Variants in PLCL2 observed in about 807,000 individuals in gnomAD.
The protein encoded by PLCL2 is inactive phospholipase C-like protein 2.
PLCL2 carries 4 observed loss-of-function variants against 79.6 expected under a neutral mutation model. The ratio of observed to expected loss-of-function variants is 0.05; its 90% confidence interval spans 0.02 to 0.11. The LOEUF (loss-of-function observed/expected upper bound fraction) is 0.11, where lower values mean the gene tolerates loss of function less well. PLCL2 is among the 10% of genes least tolerant of loss of function. The pLI is 1.00. For synonymous variants in PLCL2, 484 were observed against 457.7 expected (o/e 1.06, Z -0.73); for missense variants, 895 against 1,291.0 (o/e 0.69, Z 4.70).
At chr3:17,065,071 C>T (rs1327840101) in intron 4 of PLCL2, among the ~76,000 whole-genome samples, 1 of 151,852 alleles carries the variant, frequency 6.6e-6, no homozygotes, top group Non-Finnish European at 1.5e-5. Flanking sequence ...TTAGTATTTC[C>T]AGTGTTCAAT....
chr3:16,957,518 G>A (rs1457852810), intron 1 of PLCL2, among the ~76,000 whole-genome samples: 1 of 152,132 alleles, frequency 6.6e-6, no homozygotes, highest in South Asian at 2.1e-4. Flanking sequence ...GATTTGGGGT[G>A]GACAGTTCTG....
intron 1 of PLCL2, among the ~76,000 whole-genome samples, chr3:16,949,235 A>G (rs1446348254): frequency 1.3e-5 from 2 of 152,114 alleles, no homozygotes; most frequent in African/African-American, 4.8e-5. Context: ...AGGTGTGTCC[A>G]TTTCTACTTC....
At position 17,010,114 on chromosome 3, in the gene PLCL2, A is replaced by G. The variant is rs542360465; in HGVS notation, c.768A>G (p.Thr256=). Reference sequence around the variant, plus strand: ...ACCTAATTTCTTATGGAAAACATACACTTGATATGTTAGAAAGTAGCCAAG... The same window carrying G: ...ACCTAATTTCTTATGGAAAACATACGCTTGATATGTTAGAAAGTAGCCAAG... ...LRYLISYGKH[T]LDMLESSQDN... is the part of the protein sequence containing the mutation. The change falls in exon 2 of 6, where the codon ACA becomes ACG. Residue 256 remains threonine (T), a synonymous_variant. Transcript: ENST00000615277. This position sits in a 1 kb window ranked among gnomAD's most constrained non-coding sequence, Gnocchi z 5.8. 81 of 1,614,086 alleles carry G rather than the reference A, an allele frequency of 5.0e-5. No individual in the cohort carries two copies. The South Asian group carries it at 7.7e-4, about 15-fold the overall frequency.
intron 4 of PLCL2, among the ~76,000 whole-genome samples, chr3:17,067,142 C>G (rs2065018292): frequency 6.6e-6 from 1 of 152,022 alleles, no homozygotes; most frequent in Non-Finnish European, 1.5e-5. Context: ...ATTATTCCAG[C>G]TGACCCTAGA....
Position 16,884,996 on chromosome 3 carries a change from G to T in PLCL2, c.-44G>T. 4.4e-6 allele frequency: 1 copy of T among 226,986 alleles called. No individual in the cohort carries two copies. The highest frequency in any genetic ancestry group is 8.5e-6 in the Non-Finnish European group (1 of 118,254). The allele number at this position is 226,986 out of a possible 1,614,324, so 14.1% of individuals were successfully genotyped here. A position where few individuals can be genotyped will look rare whatever the true frequency, so the allele number is the denominator to read the frequency against. On this transcript the variant is annotated 5_prime_UTR_variant, in exon 1 of 6. Transcript: ENST00000615277. This position sits in a 1 kb window ranked among gnomAD's most constrained non-coding sequence, Gnocchi z 9.3. ...GCCCGAGGCGGCGGCGGGGACGCGG[G>T]GACGCGAGGACGCGGCTTTGTGCAG...
chr3:16,966,544 G>A (rs2063808574), intron 1 of PLCL2, among the ~76,000 whole-genome samples: 1 of 152,128 alleles, frequency 6.6e-6, no homozygotes, highest in South Asian at 2.1e-4. Context: ...AAATGAGTTA[G>A]GGAGGATACC....
intron 1 of PLCL2, among the ~76,000 whole-genome samples, chr3:16,904,306 CAA>C (rs547582289): frequency 8.6e-6 from 1 of 116,122 alleles, no homozygotes. Context: ...GAGATCTTGA[CAA>C]AAAAAAAAAG....
chr3:16,959,167 T>C (rs1283637091), intron 1 of PLCL2, among the ~76,000 whole-genome samples: 12 of 152,228 alleles, frequency 7.9e-5, no homozygotes, highest in Admixed American at 7.9e-4. Context: ...TTGTTCCCTC[T>C]GAATTCTGCC....
chr3:17,014,837 G>A lies in PLCL2; in HGVS notation c.2944G>A (p.Glu982Lys), dbSNP rs866276568. The change falls in exon 3 of 6, where the codon GAG becomes AAG. Residue 982 changes from glutamate to lysine, a missense_variant. Transcript: ENST00000615277. ...NTPLVVLNLS[E>K]QYPTMELQGI... ...ACCCCTAGTGGTCCTAAATCTCAGC[G>A]AGCAGTACCCCACAATGGAGCTGCA... 107 of 1,613,988 alleles carry A rather than the reference G, an allele frequency of 6.6e-5. 1 individual carries two copies. Among genetic ancestry groups the A allele is most frequent in the Non-Finnish European group, 8.5e-5 (100 of 1,180,010 alleles).
At chr3:17,087,366 G>A (rs2065231480) in intron 5 of PLCL2, among the ~76,000 whole-genome samples, 1 of 152,218 alleles carries the variant, frequency 6.6e-6, no homozygotes, top group Non-Finnish European at 1.5e-5. Flanking sequence ...CGACATGGAG[G>A]AAATTTAAAT....
intron 1 of PLCL2, among the ~76,000 whole-genome samples, chr3:16,920,081 A>G (rs1697088511): frequency 6.6e-6 from 1 of 152,164 alleles, no homozygotes; most frequent in South Asian, 2.1e-4. Context: ...GTGTGTTTTT[A>G]CACAAATTGA....
rs543874301 is a variant in PLCL2, at chr3:17,073,059, G to C, written c.3204+4994G>C. Among the ~76,000 whole-genome samples, 8 of 152,278 alleles carry C rather than the reference G, an allele frequency of 5.3e-5. No individual in the cohort carries two copies. The East Asian group carries it at 1.5e-3, about 29-fold the overall frequency. On this transcript the variant is annotated intron_variant, in intron 5 of 5. Coordinates refer to ENST00000615277, the MANE Select transcript of PLCL2 (RefSeq NM_001144382.2). ...CTTCTTTGATTTAGAAGCCAACTTT[G>C]AAACCTCCCTCCATTAGATAGTCAG...
At chr3:16,970,288 A>G (rs2063847746) in intron 1 of PLCL2, among the ~76,000 whole-genome samples, 3 of 147,100 alleles carry the variant, frequency 2.0e-5, no homozygotes, top group Admixed American at 6.9e-5. Flanking sequence ...TTCAATTCCC[A>G]CCAATAAGTG....
At chr3:16,914,294 G>A (rs1286336642) in intron 1 of PLCL2, among the ~76,000 whole-genome samples, 6 of 152,176 alleles carry the variant, frequency 3.9e-5, no homozygotes, top group African/African-American at 1.4e-4. Context: ...ATAGAACAGT[G>A]AGTGGAGGAA....
At chr3:17,030,001 T>C (rs2064563624) in intron 3 of PLCL2, among the ~76,000 whole-genome samples, 1 of 152,156 alleles carries the variant, frequency 6.6e-6, no homozygotes, top group African/African-American at 2.4e-5. Context: ...TGAACACCTA[T>C]GCACAAGACT....
intron 1 of PLCL2, among the ~76,000 whole-genome samples, chr3:16,921,270 G>C (rs1317993913): frequency 6.6e-6 from 1 of 152,166 alleles, no homozygotes; most frequent in East Asian, 1.9e-4. Flanking sequence ...CAAATAATTA[G>C]TGTCAAGTAG....
intron 1 of PLCL2, among the ~76,000 whole-genome samples, chr3:16,891,510 C>A (rs1696349353): frequency 6.6e-6 from 1 of 151,898 alleles, no homozygotes; most frequent in Non-Finnish European, 1.5e-5. Flanking sequence ...TAAATGCTTT[C>A]AATAATTGTT....
At chr3:16,926,798 A>G (rs2124939463) in intron 1 of PLCL2, among the ~76,000 whole-genome samples, 1 of 151,938 alleles carries the variant, frequency 6.6e-6, no homozygotes, top group East Asian at 1.9e-4. Flanking sequence ...TGGTTGGCTA[A>G]TTTTTTGTAT....
rs565409412 is a variant in PLCL2 at position 17,080,323 on chromosome 3, C to G, written c.3205-9410C>G. 3.9e-5 allele frequency among the ~76,000 whole-genome samples: 6 copies of G among 152,202 alleles called. No individual in the cohort carries two copies. The East Asian group carries it at 1.2e-3, about 29-fold the overall frequency. On this transcript the variant is annotated intron_variant, in intron 5 of 5. Coordinates refer to ENST00000615277, the MANE Select transcript of PLCL2 (RefSeq NM_001144382.2). ...AAGTGGACCTGACCAAGCTAGGAGG[C>G]CTTCCTTAATTCTGATGAATGTGCC...
Sources: allele counts gnomAD v4.1 joint callset (sites outside exome capture counted in the v4.1 genomes callset), GRCh38; gene constraint gnomAD v4.1.1; non-coding constraint Gnocchi (gnomAD v3.1); transcripts MANE v1.5; gene names NCBI Gene and HGNC (gene_info 2026-07-23, HGNC 2026-07-21).